TCF12: variants seen among roughly 807,000 people sequenced by gnomAD.
The protein encoded by TCF12 is transcription factor 12, also known as DNA-binding protein HTF4.
A neutral mutation model predicts 86.0 loss-of-function variants in TCF12; 45 were observed. The ratio of observed to expected loss-of-function variants is 0.52; its 90% CI spans 0.41 to 0.67. TCF12 has a LOEUF of 0.67. TCF12 is among the 30% of genes least tolerant of loss of function. The pLI, the probability that TCF12 is intolerant of heterozygous loss-of-function variation, is 0.00. For synonymous variants in TCF12, 330 were observed against 299.6 expected, an observed-to-expected ratio of 1.10 and a Z score of -1.05; for missense variants, 881 against 859.9, an observed-to-expected ratio of 1.02 and a Z score of -0.31.
At position 56,972,882 on chromosome 15, in the gene TCF12, G is replaced by A. The variant is rs545288401; in HGVS notation, c.148+51784G>A. On this transcript the variant is annotated intron_variant, in intron 3 of 20. Coordinates refer to ENST00000333725, the MANE Select transcript of TCF12 (RefSeq NM_207037.2). ...GACTAACACAACTTTTGAACACAGT[G>A]TTTGGACTATATAGCTTCAGGACTG... is the stretch of plus-strand genomic sequence containing the variant. Among the ~76,000 whole-genome samples the A allele has an allele frequency of 1.4e-4, 22 of 152,268 alleles. 1 individual carries two copies. The South Asian group carries it at 3.9e-3, about 27-fold the overall frequency.
intron 5 of TCF12, among the ~76,000 whole-genome samples, chr15:57,117,199 C>A (rs2050902062): frequency 6.6e-6 from 1 of 151,894 alleles, no homozygotes; most frequent in South Asian, 2.1e-4. Context: ...ACCACCATAC[C>A]TGGCCTTTTT....
chr15:56,978,300 G>A (rs951290263), intron 3 of TCF12, among the ~76,000 whole-genome samples: 5 of 152,048 alleles, frequency 3.3e-5, no homozygotes, highest in East Asian at 1.9e-4. Context: ...AAGAAAAACC[G>A]TGATTCCACT....
chr15:56,935,869 A>G (rs1171326494), intron 3 of TCF12, among the ~76,000 whole-genome samples: 1 of 152,134 alleles, frequency 6.6e-6, no homozygotes, highest in Non-Finnish European at 1.5e-5. Flanking sequence ...TATCATGTAT[A>G]TATATACAGT....
chr15:57,290,974 T>C (rs144835395), downstream of TCF12: 1 of 152,304 alleles, frequency 6.6e-6, no homozygotes, highest in African/African-American at 2.4e-5. Context: ...CTTCTAAAAA[T>C]TGCAGTTCCT....
chr15:57,276,393 T>TA, intron 19 of TCF12, among the ~76,000 whole-genome samples: 1 of 152,326 alleles, frequency 6.6e-6, no homozygotes, highest in African/African-American at 2.4e-5. Flanking sequence ...ATAAAAATGA[T>TA]ATTCATTTTA....
intron 18 of TCF12, among the ~76,000 whole-genome samples, chr15:57,272,499 CCAGAGTATATTTAAGAG>C (rs1202288231): frequency 6.6e-6 from 1 of 152,188 alleles, no homozygotes; most frequent in Non-Finnish European, 1.5e-5. Context: ...CAGGTAACCG[CCAGAGTATATTTAAGAG>C]CATAGGCTAA....
At chr15:57,233,393 G>A (rs1213898644) in intron 11 of TCF12, among the ~76,000 whole-genome samples, 2 of 151,744 alleles carry the variant, frequency 1.3e-5, no homozygotes, top group Non-Finnish European at 2.9e-5. Flanking sequence ...GCCGGGGCTG[G>A]TCTGAAACTC....
upstream of TCF12, chr15:56,918,260 G>A (rs1231929551): frequency 2.2e-6 from 1 of 456,150 alleles, no homozygotes; most frequent in Non-Finnish European, 4.4e-6. Context: ...GAAGCTCGGG[G>A]ACCTGGGCAG....
At chr15:57,236,736 A>T (rs1566963395) in intron 12 of TCF12, among the ~76,000 whole-genome samples, 1 of 152,136 alleles carries the variant, frequency 6.6e-6, no homozygotes, top group East Asian at 1.9e-4. Flanking sequence ...TTAAGCCTGC[A>T]TAATTGTGGT....
intron 5 of TCF12, among the ~76,000 whole-genome samples, chr15:57,128,428 AT>A (rs2051843612): frequency 6.6e-6 from 1 of 152,188 alleles, no homozygotes; most frequent in Non-Finnish European, 1.5e-5. Flanking sequence ...TCATAACACT[AT>A]GTGAGAAGTT....
intron 4 of TCF12, among the ~76,000 whole-genome samples, chr15:57,064,144 G>A (rs2068670416): frequency 6.6e-6 from 1 of 152,248 alleles, no homozygotes; most frequent in South Asian, 2.1e-4. Context: ...TTTGCTTTGA[G>A]AGATGGCATT....
intron 3 of TCF12, among the ~76,000 whole-genome samples, chr15:56,996,317 A>G (rs12440790): frequency 0.04 from 6,132 of 152,238 alleles, 370 homozygotes; most frequent in Admixed American, 0.17. Flanking sequence ...ATGCAACAGA[A>G]TAGAGAACCC....
At chr15:57,125,023 T>C (rs1038588514) in intron 5 of TCF12, among the ~76,000 whole-genome samples, 11 of 152,100 alleles carry the variant, frequency 7.2e-5, no homozygotes, top group African/African-American at 2.7e-4. Flanking sequence ...TTATATTTCT[T>C]TTTCCGCGAC....
At chr15:57,099,990 T>G (rs2049612750) in intron 5 of TCF12, among the ~76,000 whole-genome samples, 1 of 152,212 alleles carries the variant, frequency 6.6e-6, no homozygotes, top group African/African-American at 2.4e-5. Flanking sequence ...TACTTTTACT[T>G]GTTTATCCAG....
chr15:56,964,184 A>G (rs1266965029), intron 3 of TCF12, among the ~76,000 whole-genome samples: 6 of 152,220 alleles, frequency 3.9e-5, no homozygotes, highest in Non-Finnish European at 8.8e-5. Context: ...CGAAGAATGT[A>G]CCATGTAATG....
chr15:57,125,326 G>A (rs1353913689), intron 5 of TCF12, among the ~76,000 whole-genome samples: 1 of 152,192 alleles, frequency 6.6e-6, no homozygotes, highest in Non-Finnish European at 1.5e-5. Context: ...ATTTCTATAA[G>A]TTCTATTGTA....
chr15:57,170,722 T>TATAAAA (rs1427301623), intron 6 of TCF12, among the ~76,000 whole-genome samples: 1 of 25,890 alleles, frequency 3.9e-5, no homozygotes, highest in African/African-American at 1.1e-4. Flanking sequence ...AATATATATA[T>TATAAAA]TATATATTAT....
chr15:57,043,130 T>C (rs1012279550), intron 3 of TCF12, among the ~76,000 whole-genome samples: 1 of 152,208 alleles, frequency 6.6e-6, no homozygotes, highest in Non-Finnish European at 1.5e-5. Context: ...GTGTACCACA[T>C]TTTCTTTATT....
chr15:57,257,679 G>GTATATATATATATGTATATA, intron 16 of TCF12, among the ~76,000 whole-genome samples: 1 of 140,344 alleles, frequency 7.1e-6, no homozygotes, highest in African/African-American at 2.7e-5. Context: ...AAAAAAAAGT[G>GTATATATATATATGTATATA]TATATATATA....
Sources: allele counts gnomAD v4.1 joint callset (sites outside exome capture counted in the v4.1 genomes callset), GRCh38; gene constraint gnomAD v4.1.1; transcripts MANE v1.5; gene names NCBI Gene and HGNC (gene_info 2026-07-23, HGNC 2026-07-21).